TAF3: variants seen among roughly 807,000 people sequenced by gnomAD.
TAF3 encodes transcription initiation factor TFIID subunit 3.
TAF3 carries 7 observed loss-of-function variants against 80.6 expected under a neutral mutation model. The ratio of observed to expected loss-of-function variants is 0.09; its 90% CI spans 0.05 to 0.16. TAF3 has a LOEUF of 0.16. Ranked by LOEUF, TAF3 falls within the 10% of genes least tolerant of loss-of-function variation. The probability of loss-of-function intolerance (pLI) is 1.00; values close to 1 mark genes in which losing one functional copy is unlikely to be tolerated. For missense variants in TAF3, 921 were observed against 1,140.2 expected, an observed-to-expected ratio of 0.81 and a Z score of 2.77; for synonymous variants, 444 against 446.1, an observed-to-expected ratio of 1.00 and a Z score of 0.06.
chr10:7,893,615 C>T (rs960726258), intron 2 of TAF3, among the ~76,000 whole-genome samples: 11 of 152,002 alleles, frequency 7.2e-5, no homozygotes, highest in Admixed American at 1.3e-4. Context: ...TTTTCACTCC[C>T]GTAGCGAGAT....
At chr10:7,958,987 A>C (rs1213731843) in intron 2 of TAF3, among the ~76,000 whole-genome samples, 1 of 152,070 alleles carries the variant, frequency 6.6e-6, no homozygotes, top group Non-Finnish European at 1.5e-5. Context: ...ACACACACAC[A>C]AAATTAGCCG....
intron 2 of TAF3, among the ~76,000 whole-genome samples, chr10:7,843,793 C>A (rs1344495347): frequency 2.0e-5 from 3 of 151,738 alleles, no homozygotes; most frequent in Non-Finnish European, 4.4e-5. Context: ...ATTTATAATT[C>A]ATTTTCACTA....
At chr10:7,880,957 C>G (rs763177103) in intron 2 of TAF3, among the ~76,000 whole-genome samples, 4 of 152,130 alleles carry the variant, frequency 2.6e-5, no homozygotes, top group Non-Finnish European at 5.9e-5. Context: ...TCTCTTAGCC[C>G]AAGCATGGTG....
intron 2 of TAF3, among the ~76,000 whole-genome samples, chr10:7,893,149 A>G (rs1028766900): frequency 1.1e-4 from 17 of 152,168 alleles, no homozygotes; most frequent in Admixed American, 2.0e-4. Flanking sequence ...TTTATTTTAT[A>G]AAAAGACTTT....
At chr10:7,921,462 T>C (rs1010265405) in intron 2 of TAF3, among the ~76,000 whole-genome samples, 1 of 152,148 alleles carries the variant, frequency 6.6e-6, no homozygotes, top group Admixed American at 6.5e-5. Context: ...CTGAGCGGTG[T>C]TTTTCAAACT....
chr10:7,976,897 TTTATA>T (rs1204038613), intron 3 of TAF3, among the ~76,000 whole-genome samples: 8 of 152,168 alleles, frequency 5.3e-5, no homozygotes, highest in African/African-American at 1.9e-4. Context: ...GTTTTTTCTA[TTTATA>T]TTAAGTCTGG....
At chr10:8,014,500 ACACAC>A in intron 6 of TAF3, 132 bp from the exon 7 acceptor site, 2 of 667,172 alleles carry the variant, frequency 3.0e-6, no homozygotes, top group Non-Finnish European at 5.1e-6. Context: ...CAATAGTGCT[ACACAC>A]AAGTTAGTGC....
intron 2 of TAF3, among the ~76,000 whole-genome samples, chr10:7,887,384 T>C (rs1306090568): frequency 6.6e-6 from 1 of 152,188 alleles, no homozygotes; most frequent in African/African-American, 2.4e-5. Flanking sequence ...TAGGAAATTT[T>C]TGCAAGTGTG....
At chr10:7,904,868 C>G (rs1837592724) in intron 2 of TAF3, among the ~76,000 whole-genome samples, 1 of 152,066 alleles carries the variant, frequency 6.6e-6, no homozygotes. Flanking sequence ...GGCTGTGCTC[C>G]CTTTAGGCTG....
At chr10:7,956,049 C>A (rs1838132141) in intron 2 of TAF3, among the ~76,000 whole-genome samples, 1 of 151,910 alleles carries the variant, frequency 6.6e-6, no homozygotes, top group Admixed American at 6.6e-5. Context: ...CAAAGTTTCC[C>A]AAAATTATAC....
In TAF3 at chr10:7,880,395, T is replaced by TATTA. The variant is rs1354013171; in HGVS notation, c.409+55836_409+55839dup. Among the ~76,000 whole-genome samples the TATTA allele has an allele frequency of 5.9e-5, 9 of 152,336 alleles. No individual in the cohort carries two copies. The South Asian group carries it at 1.0e-3, about 18-fold the overall frequency. On this transcript the variant is annotated intron_variant, in intron 2 of 6. Coordinates refer to ENST00000344293, the MANE Select transcript of TAF3 (RefSeq NM_031923.4). ...TGATCACTTGTTATGAGATTTAATA[T>TATTA]ATTAGGTGGTAGTCTGGAGGGAATT...
chr10:8,000,928 A>C (rs1489371229), intron 4 of TAF3, among the ~76,000 whole-genome samples: 3 of 152,042 alleles, frequency 2.0e-5, no homozygotes, highest in African/African-American at 7.2e-5. Flanking sequence ...ATTCCATCTT[A>C]CACCTCCCTT....
rs1283096046 is a variant in TAF3, at chr10:7,964,205, A to G, written c.695A>G (p.His232Arg). The change falls in exon 3 of 7, where the codon CAT (histidine) becomes CGT (arginine). Residue 232 changes from histidine to arginine, a missense_variant. By Grantham distance (29) the His-to-Arg change is conservative (BLOSUM62 0). Transcript: ENST00000344293. The surrounding 1 kb of genome is among the most constrained non-coding windows in gnomAD (Gnocchi z 4.1). ...QKIPPMLSPV[H>R]VQDSTDLAPP... is the part of the protein sequence containing the mutation. ...ATCCCACCAATGCTTTCTCCAGTCC[A>G]TGTACAGGACAGTACAGACTTGGCA... is the stretch of plus-strand genomic sequence containing the variant. 3 of 1,614,190 alleles carry G rather than the reference A, an allele frequency of 1.9e-6. No homozygotes were observed. The highest frequency in any genetic ancestry group is 4.5e-5 in the East Asian group (2 of 44,882).
At chr10:7,985,297 T>C (rs1288494336) in intron 4 of TAF3, among the ~76,000 whole-genome samples, 3 of 152,212 alleles carry the variant, frequency 2.0e-5, no homozygotes, top group Admixed American at 2.0e-4. Context: ...TATGTGTCTA[T>C]GGTCAGCCCT....
intron 2 of TAF3, among the ~76,000 whole-genome samples, chr10:7,902,371 C>T (rs190079973): frequency 2.0e-5 from 3 of 151,950 alleles, no homozygotes; most frequent in East Asian, 3.9e-4. Flanking sequence ...TTCTGTGAGC[C>T]GAGATTGCAC....
chr10:8,001,731 C>T (rs911378929), intron 4 of TAF3, among the ~76,000 whole-genome samples: 10 of 151,958 alleles, frequency 6.6e-5, no homozygotes, highest in East Asian at 3.9e-4. Context: ...ATTTTTAAGA[C>T]GTTTAGAATT....
chr10:7,931,547 A>T lies in TAF3; in HGVS notation c.410-32373A>T, dbSNP rs563391063. On this transcript the variant is annotated intron_variant, in intron 2 of 6. Coordinates refer to ENST00000344293, the MANE Select transcript of TAF3 (RefSeq NM_031923.4). The stretch of plus-strand genomic sequence containing the variant: ...ATTCTCAATATTCTACACTTCTGAC[A>T]TAATGAAACTGTAAAATAAACAGAC... Among the ~76,000 whole-genome samples, 6 of 152,370 alleles carry T rather than the reference A, an allele frequency of 3.9e-5. No homozygotes were observed. In the East Asian group the frequency reaches 1.2e-3, roughly 29 times the overall value.
chr10:7,986,871 CACTT>C (rs1831783830), intron 4 of TAF3, among the ~76,000 whole-genome samples: 1 of 152,204 alleles, frequency 6.6e-6, no homozygotes, highest in Non-Finnish European at 1.5e-5. Flanking sequence ...AGAAGCAAAA[CACTT>C]AAAAGTCTGA....
chr10:7,964,211 A>C lies in TAF3; in HGVS notation c.701A>C (p.Gln234Pro), dbSNP rs745597656. 4 of 1,614,208 alleles carry C rather than the reference A, an allele frequency of 2.5e-6. No homozygotes were observed. The South Asian group carries it at 3.3e-5, about 13-fold the overall frequency. Residue 234 changes from glutamine (Q) to proline (P), a missense_variant, in exon 3 of 7, where the codon CAG becomes CCG. Gln to Pro is a moderately conservative substitution (Grantham distance 76). Transcript: ENST00000344293. This position sits in a 1 kb window ranked among gnomAD's most constrained non-coding sequence, Gnocchi z 4.1. ...CCAATGCTTTCTCCAGTCCATGTAC[A>C]GGACAGTACAGACTTGGCACCTCCC... ...IPPMLSPVHV[Q>P]DSTDLAPPSP...
Sources: allele counts gnomAD v4.1 joint callset (sites outside exome capture counted in the v4.1 genomes callset), GRCh38; gene constraint gnomAD v4.1.1; non-coding constraint Gnocchi (gnomAD v3.1); transcripts MANE v1.5; gene names NCBI Gene and HGNC (gene_info 2026-07-23, HGNC 2026-07-21).